The following TRIM38 variants were observed in gnomAD, a reference collection of about 807,000 sequenced individuals.
TRIM38 encodes the protein tripartite motif containing 38, also known as E3 ubiquitin-protein ligase TRIM38.
Under a neutral mutation model 35.8 loss-of-function variants are expected in TRIM38, and 35 were observed. The observed-to-expected ratio is 0.98, with a 90% CI of 0.75 to 1.30. The LOEUF (loss-of-function observed/expected upper bound fraction) is 1.30, where lower values mean the gene tolerates loss of function less well. Among genes scored for constraint, TRIM38 ranks in the 50% most tolerant of loss-of-function variants. The pLI is 0.00. For synonymous variants in TRIM38, 198 were observed against 204.7 expected (o/e 0.97, Z 0.28); for missense variants, 545 against 556.9 (o/e 0.98, Z 0.21).
At position 25,966,578 on chromosome 6, in the gene TRIM38, G is replaced by A. The variant is rs1016958910; in HGVS notation, c.56G>A (p.Cys19Tyr). 1 of 1,614,052 alleles carries A rather than the reference G, an allele frequency of 6.2e-7. No homozygotes were observed. The highest frequency in any genetic ancestry group is 1.7e-4 in the Middle Eastern group (1 of 6,058). The change falls in exon 3 of 8, where the codon TGC (cysteine) becomes TAC (tyrosine). Residue 19 changes from cysteine to tyrosine, a missense_variant. Coordinates refer to ENST00000357085, the MANE Select transcript of TRIM38 (RefSeq NM_006355.5). ...ATGGAGGAAGCCACCTGCTCCATCTGCCTGAGCCTGATGACGAACCCAGTA... is the reference window on the plus strand; with the variant it reads ...ATGGAGGAAGCCACCTGCTCCATCTACCTGAGCCTGATGACGAACCCAGTA... The part of the protein sequence containing the change: ...KMMEEATCSI[C>Y]LSLMTNPVSI...
chr6:25,976,605 GC>G (rs1321350122), intron 7 of TRIM38, among the ~76,000 whole-genome samples: 1 of 152,160 alleles, frequency 6.6e-6, no homozygotes, highest in African/African-American at 2.4e-5. Context: ...TGTGGACTGG[GC>G]ATTGAAGTTG....
chr6:25,969,371 G>T lies in TRIM38; in HGVS notation c.458G>T (p.Arg153Ile), dbSNP rs565812588. ...ACAAAACTGAAGCAACTTGAAGACAGATGTACGGAGCAGAAGCTGTCCACA... is the reference window on the plus strand; with the variant it reads ...ACAAAACTGAAGCAACTTGAAGACATATGTACGGAGCAGAAGCTGTCCACA... ...AVTKLKQLED[R>I]CTEQKLSTAM... is the part of the protein sequence containing the mutation. Residue 153 changes from arginine to isoleucine, a missense_variant, in exon 4 of 8, where the codon AGA becomes ATA. By Grantham distance (97) the Arg-to-Ile change is moderately conservative (BLOSUM62 -3). Transcript: ENST00000357085. 6.2e-6 allele frequency: 10 copies of T among 1,612,976 alleles called. No homozygotes were observed. The highest frequency in any genetic ancestry group is 1.7e-4 in the Middle Eastern group (1 of 6,058).
In TRIM38 at chr6:25,966,794, T is replaced by C; in HGVS notation, c.272T>C (p.Met91Thr). ...IEALKETDQE[M>T]SCEEHGEQFH... ...GCCCTCAAAGAGACGGATCAAGAAATGTCATGTGAGGAACACGGAGAGCAG... is the reference window on the plus strand; with the variant it reads ...GCCCTCAAAGAGACGGATCAAGAAACGTCATGTGAGGAACACGGAGAGCAG... The change falls in exon 3 of 8, where the codon ATG (methionine) becomes ACG (threonine). Residue 91 changes from methionine to threonine, a missense_variant. By Grantham distance (81) the Met-to-Thr change is moderately conservative (BLOSUM62 -1). Coordinates refer to ENST00000357085, the MANE Select transcript of TRIM38 (RefSeq NM_006355.5). The C allele has an allele frequency of 6.2e-7, 1 of 1,614,094 alleles. No homozygotes were observed. Among genetic ancestry groups the C allele is most frequent in the East Asian group, 2.2e-5 (1 of 44,884 alleles).
intron 7 of TRIM38, chr6:25,973,620 C>T (rs1561899594): frequency 1.0e-6 from 1 of 981,462 alleles, no homozygotes; most frequent in Non-Finnish European, 1.2e-6. Context: ...TCAACATGTA[C>T]AAAGTGCTTA....
At chr6:25,968,125 T>G (rs1016737804) in intron 3 of TRIM38, among the ~76,000 whole-genome samples, 1 of 152,142 alleles carries the variant, frequency 6.6e-6, no homozygotes, top group Non-Finnish European at 1.5e-5. Context: ...AAATGTTGTC[T>G]CCAGTGTCAG....
chr6:25,964,641 T>C (rs1008363702), intron 2 of TRIM38, among the ~76,000 whole-genome samples: 1 of 152,082 alleles, frequency 6.6e-6, no homozygotes, highest in Admixed American at 6.5e-5. Flanking sequence ...AGGGGAAAAG[T>C]CTCTTCCAGC....
At chr6:25,978,575 G>A (rs976961613) in intron 7 of TRIM38, among the ~76,000 whole-genome samples, 7 of 151,150 alleles carry the variant, frequency 4.6e-5, no homozygotes, top group African/African-American at 1.7e-4. Flanking sequence ...ACAGTGGTGC[G>A]ATCATGGCTC....
Position 25,966,546 on chromosome 6 carries a change from G to C in TRIM38, c.24G>C (p.Lys8Asn). The C allele has an allele frequency of 6.2e-7, 1 of 1,612,106 alleles. No individual in the cohort carries two copies. The highest frequency in any genetic ancestry group is 8.5e-7 in the Non-Finnish European group (1 of 1,178,764). MASTTST[K>N]KMMEEATCSI... ...CTATGGCCTCAACCACCAGCACCAA[G>C]AAGATGATGGAGGAAGCCACCTGCT... The change falls in exon 3 of 8, where the codon AAG becomes AAC. Residue 8 changes from lysine (K) to asparagine (N), a missense_variant. Transcript: ENST00000357085.
At position 25,983,562 on chromosome 6, in the gene TRIM38, T is replaced by C; in HGVS notation, c.1273T>C (p.Phe425Leu). The change falls in exon 8 of 8, where the codon TTT (phenylalanine) becomes CTT (leucine). Residue 425 changes from phenylalanine (F) to leucine (L), a missense_variant. Transcript: ENST00000357085. ...GGACTATGAGGCCGGAGTTGTATCCTTTTATAACGGGAATACTGGCTGCCA... is the reference window on the plus strand; with the variant it reads ...GGACTATGAGGCCGGAGTTGTATCCCTTTATAACGGGAATACTGGCTGCCA... Reference protein sequence around the residue: ...FLDYEAGVVSFYNGNTGCHIF... With the variant: ...FLDYEAGVVSLYNGNTGCHIF... 6.2e-7 allele frequency: 1 copy of C among 1,614,108 alleles called. No homozygotes were observed. The highest frequency in any genetic ancestry group is 8.5e-7 in the Non-Finnish European group (1 of 1,180,018).
rs188282935 is a variant in TRIM38 at position 25,989,422 on chromosome 6, T to A, written c.*5735T>A. 45 of 152,120 alleles carry A rather than the reference T, an allele frequency of 3.0e-4. No individual in the cohort carries two copies. The highest frequency in any genetic ancestry group is 5.0e-4 in the Non-Finnish European group (34 of 67,996). The allele number at this position is 152,120 out of a possible 1,614,324, so 9.4% of individuals were successfully genotyped here. On this transcript the variant is annotated 3_prime_UTR_variant, in exon 8 of 8. Transcript: ENST00000357085. Reference sequence around the variant, plus strand: ...AAAGTATTAATTTGGCAATCTCATATCACGAGAGTACTCTAAAGCTAAATA... The same window carrying A: ...AAAGTATTAATTTGGCAATCTCATAACACGAGAGTACTCTAAAGCTAAATA...
rs1023490069 is a variant in TRIM38 at position 25,990,179 on chromosome 6, C to T, written c.*6492C>T. The stretch of plus-strand genomic sequence containing the variant: ...TCTGCTACAGGATATTTGCAATTGC[C>T]ATTTATCATGAAATTCATGACATAC... On this transcript the variant is annotated 3_prime_UTR_variant, in exon 8 of 8. Coordinates refer to ENST00000357085, the MANE Select transcript of TRIM38 (RefSeq NM_006355.5). 1 of 152,006 alleles carries T rather than the reference C, an allele frequency of 6.6e-6. No homozygotes were observed. The highest frequency in any genetic ancestry group is 1.5e-5 in the Non-Finnish European group (1 of 68,006). The allele number at this position is 152,006 out of a possible 1,614,324, so 9.4% of individuals were successfully genotyped here. A position where few individuals can be genotyped will look rare whatever the true frequency, so the allele number is the denominator to read the frequency against.
intron 4 of TRIM38, among the ~76,000 whole-genome samples, chr6:25,971,641 T>C (rs796764938): frequency 2.0e-5 from 3 of 152,330 alleles, no homozygotes; most frequent in African/African-American, 7.2e-5. Flanking sequence ...GCCAACACCT[T>C]GTAACCACTA....
At chr6:25,976,547 A>G (rs1760398587) in intron 7 of TRIM38, among the ~76,000 whole-genome samples, 1 of 152,236 alleles carries the variant, frequency 6.6e-6, no homozygotes. Context: ...TTGGGATTAC[A>G]GGCATGAACC....
In TRIM38 at chr6:25,983,446, G is replaced by A. The variant is rs1760621370; in HGVS notation, c.1157G>A (p.Arg386Lys). The change falls in exon 8 of 8, where the codon AGG (arginine) becomes AAG (lysine). Residue 386 changes from arginine (R) to lysine (K), a missense_variant. By Grantham distance (26) the Arg-to-Lys change is conservative (BLOSUM62 2). Transcript: ENST00000357085. ...CCTCAGTCTGGATTCTGGACCCTCA[G>A]GCTGTGCAAAAAGAAAGGCTATGTA... is the stretch of plus-strand genomic sequence containing the variant. ...QEPQSGFWTL[R>K]LCKKKGYVAL... 1.2e-6 allele frequency: 2 copies of A among 1,614,006 alleles called. No homozygotes were observed. The highest frequency in any genetic ancestry group is 1.7e-5 in the Admixed American group (1 of 59,994).
intron 2 of TRIM38, among the ~76,000 whole-genome samples, chr6:25,964,745 T>A (rs1004702781): frequency 2.0e-5 from 3 of 152,124 alleles, no homozygotes; most frequent in Non-Finnish European, 2.9e-5. Flanking sequence ...TTCAATGGAA[T>A]CTGTCACAGA....
At position 25,963,228 on chromosome 6, in the gene TRIM38, A is replaced by G. The variant is rs199738; in HGVS notation, c.-243A>G. ...CAAGGAATACACGTCTTCAGAAGAA[A>G]TTCTGTGTGGCTTCAAGAGACTGAT... On this transcript the variant is annotated 5_prime_UTR_variant, in exon 2 of 8. Transcript: ENST00000357085. 0.25 allele frequency: 38,201 copies of G among 152,178 alleles called. 5,702 individuals carry two copies. Among genetic ancestry groups the G allele is most frequent in the African/African-American group, 0.41 (17,109 of 41,432 alleles). The allele number at this position is 152,178 out of a possible 1,614,324, so 9.4% of individuals were successfully genotyped here.
At position 25,988,145 on chromosome 6, in the gene TRIM38, A is replaced by T. The variant is rs903588760; in HGVS notation, c.*4458A>T. 1.3e-5 allele frequency: 2 copies of T among 152,176 alleles called. No homozygotes were observed. Among genetic ancestry groups the T allele is most frequent in the African/African-American group, 4.8e-5 (2 of 41,428 alleles). 9.4% of individuals were successfully genotyped at this position (152,176 alleles called of 1,614,324 possible). ...ACTCTTTTTCTAGAAATTTCTGCAT[A>T]ATCCCCCTTAACATGCACTTAACTA... On this transcript the variant is annotated 3_prime_UTR_variant, in exon 8 of 8. Coordinates refer to ENST00000357085, the MANE Select transcript of TRIM38 (RefSeq NM_006355.5).
At chr6:25,972,929 TA>T in intron 5 of TRIM38, 124 bp from the exon 6 acceptor site, 2 of 1,239,028 alleles carry the variant, frequency 1.6e-6, no homozygotes, top group Non-Finnish European at 2.3e-6. Context: ...CATCAATATC[TA>T]AGACTAAGAC....
intron 7 of TRIM38, chr6:25,975,800 AT>A: frequency 1.4e-6 from 1 of 702,144 alleles, no homozygotes; most frequent in Non-Finnish European, 1.7e-6. Flanking sequence ...ATATGTAACC[AT>A]ATCCCTACTG....
Sources: allele counts gnomAD v4.1 joint callset (sites outside exome capture counted in the v4.1 genomes callset), GRCh38; gene constraint gnomAD v4.1.1; transcripts MANE v1.5; gene names NCBI Gene and HGNC (gene_info 2026-07-23, HGNC 2026-07-21).